KDSR: variants seen among roughly 807,000 people sequenced by gnomAD.
KDSR encodes the protein 3-dehydrosphinganine reductase.
A neutral mutation model predicts 41.3 loss-of-function variants in KDSR; 23 were observed. The observed-to-expected ratio is 0.56, with a 90% confidence interval of 0.40 to 0.79. KDSR has a LOEUF of 0.79. Among genes scored for constraint, KDSR ranks in the 30% least tolerant of loss-of-function variants. The pLI is 0.00. For missense variants in KDSR, 351 were observed against 416.8 expected, an observed-to-expected ratio of 0.84 and a Z score of 1.37; for synonymous variants, 138 against 151.7, an observed-to-expected ratio of 0.91 and a Z score of 0.66.
At chr18:63,357,543 CACATATAT>C (rs1156542261) in intron 3 of KDSR, among the ~76,000 whole-genome samples, 1 of 141,948 alleles carries the variant, frequency 7.0e-6, no homozygotes, top group Non-Finnish European at 1.5e-5. Context: ...TATATATATA[CACATATAT>C]ATACATACAT....
At chr18:63,338,674 A>G (rs1487336467) in intron 8 of KDSR, 126 bp downstream of exon 8, 9 of 680,278 alleles carry the variant, frequency 1.3e-5, no homozygotes. Flanking sequence ...AATATTAGAT[A>G]TGACAAATCT....
intron 8 of KDSR, among the ~76,000 whole-genome samples, chr18:63,336,608 A>G (rs1412964395): frequency 2.0e-5 from 3 of 152,220 alleles, no homozygotes; most frequent in Non-Finnish European, 4.4e-5. Flanking sequence ...CAGTCAACCC[A>G]TATTTTCCAA....
In KDSR at chr18:63,367,172, C is replaced by T. The variant is rs1744652786; in HGVS notation, c.-54G>A. 4 of 967,212 alleles carry T rather than the reference C, an allele frequency of 4.1e-6. No homozygotes were observed. In the African/African-American group the frequency reaches 5.1e-5, roughly 12 times the overall value. The allele number at this position is 967,212 out of a possible 1,614,324, so 59.9% of individuals were successfully genotyped here. On this transcript the variant is annotated 5_prime_UTR_variant, in exon 1 of 10. Transcript: ENST00000645214. ...GCCGGGCGGGGGCCGCCGGGCAAGG[C>T]GCGCAGGGCTGGGCTGCGGCGAGGC...
chr18:63,367,048 C>T lies in KDSR; in HGVS notation c.71G>A (p.Ser24Asn). 1 of 1,327,392 alleles carries T rather than the reference C, an allele frequency of 7.5e-7. No individual in the cohort carries two copies. The highest frequency in any genetic ancestry group is 9.7e-7 in the Non-Finnish European group (1 of 1,031,304). The allele number at this position is 1,327,392 out of a possible 1,614,324, so 82.2% of individuals were successfully genotyped here. ...LLLYMVSPLI[S>N]PKPLALPGAH... ...CCCGGGCAGGGCGAGGGGCTTGGGG[C>T]TGATGAGCGGAGACACCATGTACAG... The change falls in exon 1 of 10, where the codon AGC becomes AAC. Residue 24 changes from serine to asparagine, a missense_variant. Physicochemically the swap from Ser to Asn is conservative, Grantham distance 46. Coordinates refer to ENST00000645214, the MANE Select transcript of KDSR (RefSeq NM_002035.4).
Position 63,331,771 on chromosome 18 carries a change from G to C in KDSR, c.*11C>G, listed in dbSNP as rs779852330. ...TATTTGGAAACAGTCTTCTTCCAAG[G>C]GGTAAGAAGATTAGGCAGTTTTGTC... On this transcript the variant is annotated 3_prime_UTR_variant, in exon 10 of 10. Transcript: ENST00000645214. 1.9e-6 allele frequency: 3 copies of C among 1,611,782 alleles called. No homozygotes were observed. The African/African-American group carries it at 4.0e-5, about 22-fold the overall frequency.
chr18:63,331,268 GAGAGAGAGAGAGAGAGAC>G lies in KDSR; in HGVS notation c.*496_*513del, dbSNP rs1361543229. On this transcript the variant is annotated 3_prime_UTR_variant, in exon 10 of 10. Coordinates refer to ENST00000645214, the MANE Select transcript of KDSR (RefSeq NM_002035.4). ...TGAATAAAATACACAAAGAAAGAAA[GAGAGAGAGAGAGAGAGAC>G]AGAGAGACAGAGAGACAGAGAGACA... is the stretch of plus-strand genomic sequence containing the variant. The G allele has an allele frequency of 7.6e-6, 1 of 131,040 alleles. No homozygotes were observed. The highest frequency in any genetic ancestry group is 8.2e-5 in the East Asian group (1 of 12,182). The allele number at this position is 131,040 out of a possible 1,614,324, so 8.1% of individuals were successfully genotyped here.
intron 3 of KDSR, among the ~76,000 whole-genome samples, chr18:63,356,888 C>A (rs1048523713): frequency 7.2e-5 from 11 of 152,134 alleles, no homozygotes; most frequent in African/African-American, 2.4e-4. Flanking sequence ...AGACCACAGT[C>A]TTAGAGAAAA....
At position 63,335,122 on chromosome 18, in the gene KDSR, T is replaced by C. The variant is rs1019725166; in HGVS notation, c.879+135A>G. On this transcript the variant is annotated intron_variant, in intron 9 of 9. Coordinates refer to ENST00000645214, the MANE Select transcript of KDSR (RefSeq NM_002035.4). ...TTCCTGGTGGAGGAAGAGGAAAAGT[T>C]GATAGCTCCATAAAAATACATTGTC... The C allele has an allele frequency of 5.0e-6, 3 of 602,322 alleles. No homozygotes were observed. In the African/African-American group the frequency reaches 5.6e-5, roughly 11 times the overall value. 37.3% of individuals were successfully genotyped at this position (602,322 alleles called of 1,614,324 possible). A position where few individuals can be genotyped will look rare whatever the true frequency, so the allele number is the denominator to read the frequency against.
intron 6 of KDSR, 68 bp from the exon 7 acceptor site, chr18:63,344,561 G>T: frequency 9.1e-7 from 1 of 1,101,340 alleles, no homozygotes; most frequent in Non-Finnish European, 1.4e-6. Flanking sequence ...CTGCCAACCT[G>T]CACTGGCTGC....
At chr18:63,363,946 C>T (rs991119883) in intron 1 of KDSR, among the ~76,000 whole-genome samples, 1 of 152,172 alleles carries the variant, frequency 6.6e-6, no homozygotes. Flanking sequence ...TACGCAAATG[C>T]ACCTATCTCT....
In KDSR at chr18:63,342,853, A is replaced by G. The variant is rs556971395; in HGVS notation, c.693+1557T>C. On this transcript the variant is annotated intron_variant, in intron 7 of 9. Coordinates refer to ENST00000645214, the MANE Select transcript of KDSR (RefSeq NM_002035.4). ...CATGCAAATCTCAGGTCCAACTACA[A>G]TCCCCAATGTTGGAGGAGGGACCTG... 5.9e-5 allele frequency among the ~76,000 whole-genome samples: 9 copies of G among 152,190 alleles called. No individual in the cohort carries two copies. In the South Asian group the frequency reaches 8.3e-4, roughly 14 times the overall value.
chr18:63,331,123 C>A lies in KDSR; in HGVS notation c.*659G>T, dbSNP rs150690456. 3 of 233,176 alleles carry A rather than the reference C, an allele frequency of 1.3e-5. No individual in the cohort carries two copies. The East Asian group carries it at 1.8e-4, about 14-fold the overall frequency. The allele number at this position is 233,176 out of a possible 1,614,324, so 14.4% of individuals were successfully genotyped here. On this transcript the variant is annotated 3_prime_UTR_variant, in exon 10 of 10. Transcript: ENST00000645214. ...CTGCCCTCTCCCGTCCCCCTCGTAGCTTTATGGGATCAAAGAGAGAGAGAA... is the reference window on the plus strand; with the variant it reads ...CTGCCCTCTCCCGTCCCCCTCGTAGATTTATGGGATCAAAGAGAGAGAGAA...
chr18:63,353,688 G>C (rs982198436), intron 5 of KDSR, among the ~76,000 whole-genome samples: 3 of 152,222 alleles, frequency 2.0e-5, no homozygotes, highest in African/African-American at 7.2e-5. Flanking sequence ...GCTACATGTG[G>C]ATGAGCCTCA....
intron 5 of KDSR, among the ~76,000 whole-genome samples, chr18:63,352,964 C>T (rs1914695439): frequency 2.0e-5 from 3 of 146,518 alleles, no homozygotes; most frequent in African/African-American, 5.1e-5. Context: ...GTCAGGAGTT[C>T]GAGACCAGCG....
chr18:63,366,836 G>A (rs1487252555), intron 1 of KDSR, among the ~76,000 whole-genome samples, 175 bp downstream of exon 1: 1 of 152,190 alleles, frequency 6.6e-6, no homozygotes, highest in Non-Finnish European at 1.5e-5. Context: ...CGCGAGGCCG[G>A]GTGCCGGGGC....
chr18:63,349,423 T>C (rs1469098870), intron 6 of KDSR, among the ~76,000 whole-genome samples: 1 of 152,184 alleles, frequency 6.6e-6, no homozygotes, highest in Admixed American at 6.6e-5. Flanking sequence ...AAACAGTTAT[T>C]CACAAAAGGA....
chr18:63,344,580 C>A, intron 6 of KDSR, 87 bp from the exon 7 acceptor site: 1 of 888,542 alleles, frequency 1.1e-6, no homozygotes, highest in African/African-American at 1.7e-5. Context: ...GCCCTGATTC[C>A]CAAAAAGCGG....
At chr18:63,364,450 C>CT (rs796857450) in intron 1 of KDSR, among the ~76,000 whole-genome samples, 3,578 of 144,450 alleles carry the variant, frequency 0.025, 122 homozygotes, top group African/African-American at 0.082. Flanking sequence ...CATTATTTTT[C>CT]TTTTTTTTTT....
At chr18:63,364,356 C>G (rs112654770) in intron 1 of KDSR, among the ~76,000 whole-genome samples, 199 of 152,292 alleles carry the variant, frequency 1.3e-3, no homozygotes, top group African/African-American at 4.5e-3. Context: ...AATTATTTTT[C>G]TGTTCTCCAC....
Sources: gnomAD v4.1 joint callset for allele counts (sites outside exome capture counted in the v4.1 genomes callset) on GRCh38, gnomAD v4.1.1 for gene constraint, MANE v1.5 for transcripts, NCBI Gene and HGNC (gene_info 2026-07-23, HGNC 2026-07-21) for gene names.